The following CFAP70 variants were observed in gnomAD, a reference collection of about 807,000 sequenced individuals.
CFAP70 encodes the protein cilia- and flagella-associated protein 70.
In CFAP70, 81 loss-of-function variants were observed where a neutral mutation model predicts 137.6. The ratio of observed to expected loss-of-function variants is 0.59; its 90% confidence interval spans 0.49 to 0.71. CFAP70 has a LOEUF of 0.71. CFAP70 is among the 30% of genes least tolerant of loss of function. The pLI is 0.00. For missense variants in CFAP70, 976 were observed against 1,226.7 expected (o/e 0.80, Z 3.05); for synonymous variants, 382 against 423.6 (o/e 0.90, Z 1.20).
chr10:73,314,364 A>C (rs2050167828), intron 9 of CFAP70, among the ~76,000 whole-genome samples: 1 of 152,232 alleles, frequency 6.6e-6, no homozygotes, highest in South Asian at 2.1e-4. Flanking sequence ...TTAATTGTAA[A>C]TACTAAAAAT....
At chr10:73,304,145 C>A (rs1487339553) in intron 12 of CFAP70, among the ~76,000 whole-genome samples, 1 of 152,124 alleles carries the variant, frequency 6.6e-6, no homozygotes, top group Non-Finnish European at 1.5e-5. Flanking sequence ...CAACCTCCAC[C>A]TCCTGGGTTC....
At position 73,270,986 on chromosome 10, in the gene CFAP70, G is replaced by T. The variant is rs529115538; in HGVS notation, c.2926-1271C>A. Among the ~76,000 whole-genome samples the T allele has an allele frequency of 1.5e-4, 23 of 152,248 alleles. No homozygotes were observed. The South Asian group carries it at 4.8e-3, about 32-fold the overall frequency. The stretch of plus-strand genomic sequence containing the variant: ...ATCAACCTACATTTGCCAAGGATTT[G>T]CTCTGTGTCAGGCAGTATGCTAGAT... On this transcript the variant is annotated intron_variant, in intron 24 of 26. Coordinates refer to ENST00000310715, the Ensembl canonical transcript of CFAP70.
At chr10:73,334,839 A>G (rs2052477545) in intron 7 of CFAP70, among the ~76,000 whole-genome samples, 1 of 151,344 alleles carries the variant, frequency 6.6e-6, no homozygotes, top group Non-Finnish European at 1.5e-5. Context: ...CGGCCTTTCA[A>G]AGAGCTGGGA....
chr10:73,341,690 C>T (rs1434523729), intron 5 of CFAP70, 109 bp from the exon 7 acceptor site: 6 of 915,036 alleles, frequency 6.6e-6, no homozygotes, highest in Non-Finnish European at 1.0e-5. Flanking sequence ...ATCAAACATA[C>T]CCCTCTACGA....
intron 3 of CFAP70, among the ~76,000 whole-genome samples, chr10:73,351,806 T>C (rs2054297667): frequency 6.6e-6 from 1 of 152,246 alleles, no homozygotes; most frequent in Admixed American, 6.5e-5. Flanking sequence ...AACCTGGACT[T>C]TTCCTATTGT....
In CFAP70 at chr10:73,301,212, C is replaced by T. The variant is rs116948989; in HGVS notation, c.1257-1547G>A. ...CTGACATAGTTTGGATATTTGTCCC[C>T]ATCCAAATCTCATGTTGAATTATAA... On this transcript the variant is annotated intron_variant, in intron 12 of 26. Transcript: ENST00000310715. 4.6e-3 allele frequency among the ~76,000 whole-genome samples: 693 copies of T among 152,250 alleles called. 13 individuals carry two copies. The East Asian group carries it at 0.056, about 12-fold the overall frequency.
At chr10:73,264,714 T>A (rs771814097) in intron 25 of CFAP70, among the ~76,000 whole-genome samples, 1 of 152,240 alleles carries the variant, frequency 6.6e-6, no homozygotes, top group South Asian at 2.1e-4. Context: ...TTAGTCTACA[T>A]TGCAAAGAAT....
intron 24 of CFAP70, 55 bp from the exon 26 acceptor site, chr10:73,269,770 A>G (rs905908278): frequency 9.6e-7 from 1 of 1,042,374 alleles, no homozygotes. Context: ...CTATGTCCCA[A>G]TAATACTGGT....
chr10:73,308,152 C>G (rs1467261868), intron 12 of CFAP70, among the ~76,000 whole-genome samples: 1 of 151,622 alleles, frequency 6.6e-6, no homozygotes, highest in Non-Finnish European at 1.5e-5. Flanking sequence ...GAGACTCTAT[C>G]TAAAAAAGAA....
intron 25 of CFAP70, among the ~76,000 whole-genome samples, chr10:73,261,041 T>A (rs2045117180): frequency 1.3e-5 from 2 of 152,210 alleles, no homozygotes; most frequent in Non-Finnish European, 2.9e-5. Flanking sequence ...TTTTCCAAAG[T>A]GGTTGTACCA....
At chr10:73,262,008 GTATATATGTATATAT>G (rs1207012334) in intron 25 of CFAP70, among the ~76,000 whole-genome samples, 6 of 135,532 alleles carry the variant, frequency 4.4e-5, no homozygotes, top group African/African-American at 1.1e-4. Flanking sequence ...GTATACATAT[GTATATATGTATATAT>G]TATATATGTA....
At chr10:73,352,356 T>C (rs2054343601) in intron 3 of CFAP70, among the ~76,000 whole-genome samples, 1 of 152,222 alleles carries the variant, frequency 6.6e-6, no homozygotes, top group Non-Finnish European at 1.5e-5. Flanking sequence ...GGGGGTTTTT[T>C]TCCTACGGTG....
rs1204556441 is a variant in CFAP70 at position 73,307,463 on chromosome 10, G to A, written c.1256+2695C>T. Among the ~76,000 whole-genome samples, 3 of 152,116 alleles carry A rather than the reference G, an allele frequency of 2.0e-5. No homozygotes were observed. The East Asian group carries it at 5.8e-4, about 29-fold the overall frequency. The stretch of plus-strand genomic sequence containing the variant: ...CTCACACAGAATCCATCTATCTGCT[G>A]TCTACAAGATACTCCCTTTAGATGT... On this transcript the variant is annotated intron_variant, in intron 12 of 26. Coordinates refer to ENST00000310715, the Ensembl canonical transcript of CFAP70.
At chr10:73,277,577 G>T (rs1361420285) in intron 20 of CFAP70, among the ~76,000 whole-genome samples, 1 of 152,104 alleles carries the variant, frequency 6.6e-6, no homozygotes, top group African/African-American at 2.4e-5. Flanking sequence ...TCTGGGCATG[G>T]TGGAACGTGC....
chr10:73,307,301 C>CA (rs890275083), intron 12 of CFAP70, among the ~76,000 whole-genome samples: 3 of 149,850 alleles, frequency 2.0e-5, no homozygotes, highest in African/African-American at 4.9e-5. Flanking sequence ...AACTGAAGAA[C>CA]AAAAAAAAAT....
At chr10:73,341,086 G>A (rs903960935) in intron 6 of CFAP70, among the ~76,000 whole-genome samples, 1 of 152,108 alleles carries the variant, frequency 6.6e-6, no homozygotes, top group Non-Finnish European at 1.5e-5. Context: ...GGAATTAGAA[G>A]GAAGAGACAT....
In CFAP70 at chr10:73,353,548, G is replaced by A. The variant is rs2054441363; in HGVS notation, c.250+8C>T. 3 of 1,610,538 alleles carry A rather than the reference G, an allele frequency of 1.9e-6. No individual in the cohort carries two copies. Among genetic ancestry groups the A allele is most frequent in the Non-Finnish European group, 1.7e-6 (2 of 1,177,236 alleles). On this transcript the variant is annotated splice_region_variant and intron_variant, in intron 3 of 26. Transcript: ENST00000310715. ...GGGACATTGATTTTTAGAACCACAA[G>A]GACTTACAGAACACAGGTTTGTGAG...
intron 9 of CFAP70, among the ~76,000 whole-genome samples, chr10:73,314,749 G>A (rs2050196337): frequency 6.6e-6 from 1 of 151,940 alleles, no homozygotes; most frequent in African/African-American, 2.4e-5. Context: ...CTGGGACACA[G>A]GCACATGCCA....
At chr10:73,284,822 C>T (rs1259114102) in intron 19 of CFAP70, among the ~76,000 whole-genome samples, 1 of 111,262 alleles carries the variant, frequency 9.0e-6, no homozygotes, top group East Asian at 2.8e-4. Flanking sequence ...TTTTGGGACA[C>T]AGTCACATCC....
Sources: allele counts gnomAD v4.1 joint callset (sites outside exome capture counted in the v4.1 genomes callset), GRCh38; gene constraint gnomAD v4.1.1; transcripts MANE v1.5; gene names NCBI Gene and HGNC (gene_info 2026-07-23, HGNC 2026-07-21).